The following CYTH1 variants were observed in gnomAD, a reference collection of about 807,000 sequenced individuals.
CYTH1 encodes the protein cytohesin-1.
Under a neutral mutation model 61.8 loss-of-function variants are expected in CYTH1, and 18 were observed. That is an observed-to-expected ratio of 0.29 (90% confidence interval 0.20 to 0.43). CYTH1 has a LOEUF of 0.43. Among genes scored for constraint, CYTH1 ranks in the 20% least tolerant of loss-of-function variants. CYTH1 has a pLI of 1.00. For missense variants in CYTH1, 336 were observed against 510.5 expected (o/e 0.66, Z 3.29); for synonymous variants, 174 against 184.3 (o/e 0.94, Z 0.45).
intron 1 of CYTH1, among the ~76,000 whole-genome samples, chr17:78,748,142 C>A (rs972761582): frequency 6.6e-6 from 1 of 152,194 alleles, no homozygotes; most frequent in Non-Finnish European, 1.5e-5. Context: ...CGCCACTGCA[C>A]CCCACACACC....
At chr17:78,779,040 C>T (rs1009672662) in intron 1 of CYTH1, among the ~76,000 whole-genome samples, 1 of 152,036 alleles carries the variant, frequency 6.6e-6, no homozygotes, top group Non-Finnish European at 1.5e-5. Context: ...GTGTGGTGAC[C>T]CTCTGGGTGG....
intron 1 of CYTH1, among the ~76,000 whole-genome samples, chr17:78,723,020 C>G (rs2093241983): frequency 6.6e-6 from 1 of 152,198 alleles, no homozygotes; most frequent in South Asian, 2.1e-4. Context: ...GCCTGGATAC[C>G]TATCCAAAAG....
intron 1 of CYTH1, among the ~76,000 whole-genome samples, chr17:78,718,228 C>T (rs1187682240): frequency 2.3e-4 from 32 of 140,560 alleles, no homozygotes; most frequent in South Asian, 1.6e-3. Flanking sequence ...TACACACACA[C>T]ACACACACAC....
At chr17:78,704,831 CT>C (rs2093048874) in intron 3 of CYTH1, among the ~76,000 whole-genome samples, 1 of 152,146 alleles carries the variant, frequency 6.6e-6, no homozygotes, top group Non-Finnish European at 1.5e-5. Context: ...CTGTTTTGAC[CT>C]TTTGAAAGGA....
intron 1 of CYTH1, among the ~76,000 whole-genome samples, chr17:78,715,541 G>A (rs905012686): frequency 6.6e-6 from 1 of 152,170 alleles, no homozygotes; most frequent in Non-Finnish European, 1.5e-5. Context: ...CAGAAAGAAT[G>A]AAATCAGACT....
At chr17:78,696,466 TACACA>T (rs2092939694) in intron 9 of CYTH1, among the ~76,000 whole-genome samples, 1 of 152,254 alleles carries the variant, frequency 6.6e-6, no homozygotes, top group Admixed American at 6.5e-5. Context: ...CTGATGTGTA[TACACA>T]AGAATACACA....
At chr17:78,743,236 CATT>C (rs2093348124) in intron 1 of CYTH1, among the ~76,000 whole-genome samples, 1 of 152,112 alleles carries the variant, frequency 6.6e-6, no homozygotes, top group Non-Finnish European at 1.5e-5. Flanking sequence ...CATTAACAAT[CATT>C]ATCTCTGGGC....
chr17:78,683,916 G>A (rs1477716491), intron 11 of CYTH1, among the ~76,000 whole-genome samples: 1 of 152,232 alleles, frequency 6.6e-6, no homozygotes, highest in Non-Finnish European at 1.5e-5. Context: ...AGGCGAGCAG[G>A]TGGGTGGTCT....
intron 9 of CYTH1, among the ~76,000 whole-genome samples, chr17:78,697,475 G>A (rs2092952198): frequency 6.6e-6 from 1 of 151,990 alleles, no homozygotes; most frequent in Non-Finnish European, 1.5e-5. Flanking sequence ...TCACCTTCAC[G>A]GCAAGGCATG....
chr17:78,749,458 C>T (rs1181628336), intron 1 of CYTH1, among the ~76,000 whole-genome samples: 1 of 151,738 alleles, frequency 6.6e-6, no homozygotes, highest in Non-Finnish European at 1.5e-5. Flanking sequence ...AGACTCCATC[C>T]CCCCTACAAA....
chr17:78,763,494 T>G lies in CYTH1; in HGVS notation c.22+18708A>C, dbSNP rs560420564. Among the ~76,000 whole-genome samples the G allele has an allele frequency of 2.0e-5, 3 of 152,154 alleles. No individual in the cohort carries two copies. In the South Asian group the frequency reaches 6.2e-4, roughly 32 times the overall value. ...CCCCCACGGATGCCTAGACCACAAATAGTAGTGAACCCTATATACAACATG... is the reference window on the plus strand; with the variant it reads ...CCCCCACGGATGCCTAGACCACAAAGAGTAGTGAACCCTATATACAACATG... On this transcript the variant is annotated intron_variant, in intron 1 of 13. Coordinates refer to ENST00000446868, the MANE Select transcript of CYTH1 (RefSeq NM_004762.6).
At chr17:78,733,745 G>A (rs1040873772) in intron 1 of CYTH1, among the ~76,000 whole-genome samples, 4 of 152,244 alleles carry the variant, frequency 2.6e-5, no homozygotes, top group African/African-American at 9.6e-5. Flanking sequence ...TCCCCAGATG[G>A]ACAAGAACAG....
Position 78,700,042 on chromosome 17 carries a change from C to T in CYTH1, c.550+289G>A, listed in dbSNP as rs2092991965. 2.0e-5 allele frequency among the ~76,000 whole-genome samples: 3 copies of T among 152,258 alleles called. No individual in the cohort carries two copies. The highest frequency in any genetic ancestry group is 2.1e-4 in the South Asian group (1 of 4,822). Reference sequence around the variant, plus strand: ...CTAGCCTCAAGCAATCCTCTCACCTCGGCCTCCCACCCAAGGTGCTGACAT... The same window carrying T: ...CTAGCCTCAAGCAATCCTCTCACCTTGGCCTCCCACCCAAGGTGCTGACAT... On this transcript the variant is annotated intron_variant, in intron 7 of 13. Coordinates refer to ENST00000446868, the MANE Select transcript of CYTH1 (RefSeq NM_004762.6). This position sits in a 1 kb window ranked among gnomAD's most constrained non-coding sequence, Gnocchi z 5.1.
At chr17:78,702,308 C>T in intron 4 of CYTH1, 68 bp from the exon 5 acceptor site, 1 of 1,347,030 alleles carries the variant, frequency 7.4e-7, no homozygotes, top group Non-Finnish European at 1.1e-6. Flanking sequence ...GGGGAAAGGG[C>T]ACAGGAAGAA....
intron 10 of CYTH1, among the ~76,000 whole-genome samples, chr17:78,694,212 A>C (rs1259053522): frequency 6.6e-6 from 1 of 152,232 alleles, no homozygotes; most frequent in Non-Finnish European, 1.5e-5. Context: ...GCTGAACCCT[A>C]GGCGGGCTTA....
chr17:78,706,392 T>TG (rs1338047953), intron 3 of CYTH1, among the ~76,000 whole-genome samples: 1 of 147,520 alleles, frequency 6.8e-6, no homozygotes, highest in African/African-American at 2.5e-5. Flanking sequence ...TGCTCACGCA[T>TG]GGAAGCACAC....
At chr17:78,699,048 G>A (rs563531650) in intron 7 of CYTH1, 80 bp from the exon 8 acceptor site, 2 of 1,516,536 alleles carry the variant, frequency 1.3e-6, no homozygotes, top group East Asian at 2.3e-5. Flanking sequence ...AGCAAGAGTG[G>A]TATCAGATGA....
chr17:78,710,798 G>A (rs2144418098), intron 1 of CYTH1, among the ~76,000 whole-genome samples: 1 of 152,298 alleles, frequency 6.6e-6, no homozygotes, highest in Admixed American at 6.5e-5. Context: ...CCATGGCACA[G>A]CAAAGGGCAC....
chr17:78,711,289 TA>T (rs1176642715), intron 1 of CYTH1, among the ~76,000 whole-genome samples: 20 of 119,354 alleles, frequency 1.7e-4, no homozygotes, highest in East Asian at 1.5e-3. Flanking sequence ...AATAAATAAA[TA>T]AATAAATAAA....
Sources: gnomAD v4.1 joint callset for allele counts (sites outside exome capture counted in the v4.1 genomes callset) on GRCh38, gnomAD v4.1.1 for gene constraint, Gnocchi (gnomAD v3.1) non-coding constraint, MANE v1.5 for transcripts, NCBI Gene and HGNC (gene_info 2026-07-23, HGNC 2026-07-21) for gene names.